Variants in BSN observed in about 807,000 individuals in gnomAD.
BSN encodes the protein bassoon presynaptic cytomatrix protein.
Under a neutral mutation model 264.8 loss-of-function variants are expected in BSN, and 57 were observed. The observed-to-expected ratio is 0.22, with a 90% confidence interval of 0.17 to 0.27. The LOEUF (loss-of-function observed/expected upper bound fraction) is 0.27. BSN is among the 10% of genes least tolerant of loss of function. The probability of loss-of-function intolerance (pLI) is 1.00; values close to 1 mark genes in which losing one functional copy is unlikely to be tolerated. For missense variants in BSN, 4,615 were observed against 5,232.5 expected (o/e 0.88, Z 3.64); for synonymous variants, 2,059 against 2,137.3 (o/e 0.96, Z 1.01).
intron 3 of BSN, among the ~76,000 whole-genome samples, chr3:49,648,915 C>T (rs1575446858): frequency 1.3e-5 from 2 of 152,232 alleles, no homozygotes; most frequent in East Asian, 1.9e-4. Context: ...GAGGTTGGGC[C>T]TCGGGGAAGA....
In BSN at chr3:49,654,477, T is replaced by A. The variant is rs760746720; in HGVS notation, c.4921T>A (p.Ser1641Thr). Reference sequence around the variant, plus strand: ...GGGTGCCCTCCCTGCTGAGAACATCTCCCTGTGCCGGATCTCCTCTGTCCC... The same window carrying A: ...GGGTGCCCTCCCTGCTGAGAACATCACCCTGTGCCGGATCTCCTCTGTCCC... ...GWGALPAENI[S>T]LCRISSVPGT... Residue 1641 changes from serine (S) to threonine (T), a missense_variant, in exon 5 of 12, where the codon TCC becomes ACC. Around this residue, in one of 3 missense-constraint regions of BSN, gnomAD observed 3,415 missense variants for 3,866.4 expected, o/e 0.88. Coordinates refer to ENST00000296452, the MANE Select transcript of BSN (RefSeq NM_003458.4). The surrounding 1 kb of genome is among the most constrained non-coding windows in gnomAD (Gnocchi z 4.1). 1.2e-6 allele frequency: 2 copies of A among 1,609,468 alleles called. No individual in the cohort carries two copies. Among genetic ancestry groups the A allele is most frequent in the Non-Finnish European group, 1.7e-6 (2 of 1,178,044 alleles).
chr3:49,664,764 TTTC>T (rs751190263), intron 9 of BSN, 32 bp from the exon 10 acceptor site: 1 of 1,613,596 alleles, frequency 6.2e-7, no homozygotes, highest in Non-Finnish European at 8.5e-7. Context: ...TCTGGCCCAA[TTTC>T]CTGATGGCTC....
rs1297491045 is a variant in BSN, at chr3:49,663,399, G to C, written c.11241G>C (p.Leu3747=). ...CAGAACCCCAGGCGCAGCCGCAGCT[G>C]CAAGGTCGGCAGGCAGCTCCAGGAC... The part of the protein sequence containing the change: ...SKAEPQAQPQ[L]QGRQAAPGPQ... The change falls in exon 7 of 12, where the codon CTG becomes CTC. Residue 3747 remains leucine, a synonymous_variant. Transcript: ENST00000296452. The C allele has an allele frequency of 1.2e-6, 2 of 1,612,890 alleles. No individual in the cohort carries two copies. Among genetic ancestry groups the C allele is most frequent in the Admixed American group, 3.3e-5 (2 of 60,032 alleles).
In BSN at chr3:49,642,493, G is replaced by C; in HGVS notation, c.859G>C (p.Val287Leu). ...GGCTGAGACAGCCAGGGCCACCTCA[G>C]TGCCGGGGCCTGCCCAAGCAGCTGC... ...RQAETARATS[V>L]PGPAQAAAPP... Residue 287 changes from valine to leucine, a missense_variant, in exon 3 of 12, where the codon GTG becomes CTG. By Grantham distance (32) the Val-to-Leu change is conservative. Around this residue, in one of 3 missense-constraint regions of BSN, gnomAD observed 1,197 missense variants for 1,348.0 expected, o/e 0.89. Coordinates refer to ENST00000296452, the MANE Select transcript of BSN (RefSeq NM_003458.4). This position sits in a 1 kb window ranked among gnomAD's most constrained non-coding sequence, Gnocchi z 7.0. The C allele has an allele frequency of 6.4e-7, 1 of 1,572,644 alleles. No homozygotes were observed. The highest frequency in any genetic ancestry group is 8.6e-7 in the Non-Finnish European group (1 of 1,160,244).
intron 1 of BSN, among the ~76,000 whole-genome samples, chr3:49,596,196 A>T (rs2052021049): frequency 6.6e-6 from 1 of 152,088 alleles, no homozygotes; most frequent in Non-Finnish European, 1.5e-5. Flanking sequence ...CGAGGTCAGG[A>T]GATTGGGACC....
chr3:49,635,972 A>C (rs992667423), intron 2 of BSN, among the ~76,000 whole-genome samples: 3 of 142,468 alleles, frequency 2.1e-5, no homozygotes, highest in Non-Finnish European at 4.6e-5. Context: ...GTCCCCCTCC[A>C]AAAAAAAAAA....
intron 3 of BSN, among the ~76,000 whole-genome samples, chr3:49,643,577 A>G (rs892398807): frequency 1.3e-5 from 2 of 152,184 alleles, no homozygotes; most frequent in East Asian, 1.9e-4. Flanking sequence ...GTTGCGTCCC[A>G]CATCCAGGGT....
At chr3:49,612,307 T>C (rs1291497096) in intron 1 of BSN, among the ~76,000 whole-genome samples, 1 of 152,176 alleles carries the variant, frequency 6.6e-6, no homozygotes, top group African/African-American at 2.4e-5. Flanking sequence ...GGCTAATTTT[T>C]TGTATTTTTA....
Position 49,657,311 on chromosome 3 carries a change from GCAGA to G in BSN, c.7761_7764del (p.Asp2588MetfsTer10), listed in dbSNP as rs1307397659. The G allele has an allele frequency of 6.2e-7, 1 of 1,613,442 alleles. No homozygotes were observed. Among genetic ancestry groups the G allele is most frequent in the Non-Finnish European group, 8.5e-7 (1 of 1,179,970 alleles). The stretch of plus-strand genomic sequence containing the variant: ...TCAGGAGGATTGCCGACAGCAGCGT[GCAGA>G]CAGACGATGAGGATGGGGAGAGCCG... On this transcript the variant is annotated frameshift_variant, in exon 5 of 12. Coordinates refer to ENST00000296452, the MANE Select transcript of BSN (RefSeq NM_003458.4). LOFTEE classifies it high-confidence loss of function.
Position 49,661,067 on chromosome 3 carries a change from A to C in BSN, c.9222A>C (p.Gly3074=). The change falls in exon 6 of 12, where the codon GGA becomes GGC. Residue 3074 remains glycine (G), a synonymous_variant. Coordinates refer to ENST00000296452, the MANE Select transcript of BSN (RefSeq NM_003458.4). The part of the protein sequence containing the change: ...SAGSGGPTQN[G]FPAHQAPTYP... ...GCAGTGGTGGGCCAACTCAGAACGG[A>C]TTCCCAGCCCACCAGGCCCCCACCT... The C allele has an allele frequency of 6.2e-7, 1 of 1,611,862 alleles. No individual in the cohort carries two copies. Among genetic ancestry groups the C allele is most frequent in the Non-Finnish European group, 8.5e-7 (1 of 1,179,814 alleles).
intron 5 of BSN, among the ~76,000 whole-genome samples, chr3:49,659,302 A>G (rs2052634674): frequency 6.6e-6 from 1 of 152,172 alleles, no homozygotes. Flanking sequence ...GCAGGCACAG[A>G]GGTCCCATGG....
At chr3:49,630,211 C>T (rs576835049) in intron 2 of BSN, among the ~76,000 whole-genome samples, 39 of 152,358 alleles carry the variant, frequency 2.6e-4, no homozygotes, top group Non-Finnish European at 5.0e-4. Context: ...GAGCAGGTTT[C>T]AGGACATGGG....
chr3:49,588,896 A>G (rs1057507557), intron 1 of BSN, among the ~76,000 whole-genome samples: 16 of 149,472 alleles, frequency 1.1e-4, no homozygotes, highest in Admixed American at 3.3e-4. Flanking sequence ...AAGAGTGCGC[A>G]TTCTGCTGTT....
chr3:49,647,460 C>G (rs1409858489), intron 3 of BSN, among the ~76,000 whole-genome samples: 1 of 152,138 alleles, frequency 6.6e-6, no homozygotes, highest in African/African-American at 2.4e-5. Context: ...GTCATCAGAG[C>G]CACCCCATTA....
intron 11 of BSN, among the ~76,000 whole-genome samples, chr3:49,665,801 T>G: frequency 6.6e-6 from 1 of 150,984 alleles, no homozygotes; most frequent in Non-Finnish European, 1.5e-5. Flanking sequence ...GATAGAAGAG[T>G]GGAAGGAGTA....
intron 1 of BSN, among the ~76,000 whole-genome samples, chr3:49,568,400 A>G (rs532880973): frequency 9.2e-5 from 14 of 152,318 alleles, no homozygotes; most frequent in African/African-American, 2.4e-4. Context: ...AAAACAAGAT[A>G]TATTGAGAGA....
At chr3:49,644,294 C>T (rs7626820) in intron 3 of BSN, among the ~76,000 whole-genome samples, 1,758 of 152,254 alleles carry the variant, frequency 0.012, 38 homozygotes, top group African/African-American at 0.039. Flanking sequence ...GAGTGCAAAC[C>T]ACCACTGGCC....
intron 2 of BSN, among the ~76,000 whole-genome samples, chr3:49,637,344 C>G (rs2052427589): frequency 6.6e-6 from 1 of 152,192 alleles, no homozygotes; most frequent in African/African-American, 2.4e-5. Context: ...AGACTCCACC[C>G]TGTGAGCATC....
downstream of BSN, among the ~76,000 whole-genome samples, chr3:49,672,835 A>C (rs1392950772): frequency 7.5e-6 from 1 of 134,074 alleles, no homozygotes; most frequent in Non-Finnish European, 1.6e-5. Flanking sequence ...GATGGAGTGC[A>C]GTGGCGCGAT....
Sources: allele counts gnomAD v4.1 joint callset (sites outside exome capture counted in the v4.1 genomes callset), GRCh38; gene constraint gnomAD v4.1.1; regional missense constraint gnomAD v4.1.1; non-coding constraint Gnocchi (gnomAD v3.1); transcripts MANE v1.5; gene names NCBI Gene and HGNC (gene_info 2026-07-23, HGNC 2026-07-21).